Variants in ENPP1 observed in about 807,000 individuals in gnomAD.
ENPP1 encodes ectonucleotide pyrophosphatase/phosphodiesterase family member 1.
ENPP1 carries 73 observed loss-of-function variants against 122.8 expected under a neutral mutation model. That is an observed-to-expected ratio of 0.59 (90% CI 0.49 to 0.72). The LOEUF (loss-of-function observed/expected upper bound fraction) is 0.72, where lower values mean the gene tolerates loss of function less well. Ranked by LOEUF, ENPP1 falls within the 30% of genes least tolerant of loss-of-function variation. The pLI is 0.00. For synonymous variants in ENPP1, 367 were observed against 391.6 expected (o/e 0.94, Z 0.74); for missense variants, 978 against 1,128.1 (o/e 0.87, Z 1.91).
At chr6:131,835,348 T>C (rs944921703) in intron 1 of ENPP1, among the ~76,000 whole-genome samples, 25 of 152,188 alleles carry the variant, frequency 1.6e-4, no homozygotes, top group African/African-American at 5.8e-4. Flanking sequence ...TTGAGTCTGT[T>C]CTTCAAATGC....
Position 131,894,148 on chromosome 6 carries a change from GT to G in ENPP1, c.*3640del, listed in dbSNP as rs1386764304. 2.0e-5 allele frequency: 3 copies of G among 151,606 alleles called. No homozygotes were observed. Among genetic ancestry groups the G allele is most frequent in the Admixed American group, 2.0e-4 (3 of 15,188 alleles). 9.4% of individuals were successfully genotyped at this position (151,606 alleles called of 1,614,324 possible). ...TTTTGTATTTTTAGTAGAGAATGGAGTTTCACCGTGTTAGCCAGGATGGTCT... is the reference window on the plus strand; with the variant it reads ...TTTTGTATTTTTAGTAGAGAATGGAGTTCACCGTGTTAGCCAGGATGGTCT... On this transcript the variant is annotated 3_prime_UTR_variant, in exon 25 of 25. Coordinates refer to ENST00000647893, the MANE Select transcript of ENPP1 (RefSeq NM_006208.3).
chr6:131,864,363 T>C (rs1585826464), intron 9 of ENPP1, 143 bp from the exon 10 acceptor site: 1 of 646,002 alleles, frequency 1.5e-6, no homozygotes, highest in East Asian at 2.8e-5. Context: ...AAATAAAGTT[T>C]TCAAATAAAA....
At chr6:131,854,610 A>G (rs1402093471) in intron 5 of ENPP1, among the ~76,000 whole-genome samples, 2 of 152,064 alleles carry the variant, frequency 1.3e-5, no homozygotes, top group Non-Finnish European at 2.9e-5. Flanking sequence ...TTTAGTAGCA[A>G]TTGGTGTAGC....
At chr6:131,881,350 C>T (rs141474246) in intron 20 of ENPP1, among the ~76,000 whole-genome samples, 1,644 of 152,224 alleles carry the variant, frequency 0.011, 25 homozygotes, top group African/African-American at 0.038. Context: ...GATCAGTCTA[C>T]ACCATTTTTC....
intron 5 of ENPP1, among the ~76,000 whole-genome samples, chr6:131,853,962 T>C (rs957207320): frequency 4.6e-5 from 7 of 152,194 alleles, no homozygotes; most frequent in African/African-American, 1.7e-4. Flanking sequence ...ACGTTAACTG[T>C]TTGTATATGT....
chr6:131,860,854 A>G (rs1295957749), intron 8 of ENPP1, among the ~76,000 whole-genome samples: 1 of 152,112 alleles, frequency 6.6e-6, no homozygotes, highest in Non-Finnish European at 1.5e-5. Flanking sequence ...TGCCTGTGCT[A>G]ATTTAGGAGC....
chr6:131,882,513 T>C, intron 21 of ENPP1, 39 bp downstream of exon 21: 5 of 1,520,760 alleles, frequency 3.3e-6, no homozygotes, highest in Non-Finnish European at 4.5e-6. Flanking sequence ...TTTTCTCCTT[T>C]TTGTTTTCTT....
rs927494759 is a variant in ENPP1 at position 131,847,862 on chromosome 6, T to G, written c.313+14T>G. 1 of 1,146,678 alleles carries G rather than the reference T, an allele frequency of 8.7e-7. No homozygotes were observed. The highest frequency in any genetic ancestry group is 3.0e-4 in the Middle Eastern group (1 of 3,358). 71.0% of individuals were successfully genotyped at this position (1,146,678 alleles called of 1,614,324 possible). A position where few individuals can be genotyped will look rare whatever the true frequency, so the allele number is the denominator to read the frequency against. The stretch of plus-strand genomic sequence containing the variant: ...GTGCCAAAGAAGGTAATTAGGTGTG[T>G]GTGTGTGTGTGTGTGTGTGTGTGTG... On this transcript the variant is annotated intron_variant, in intron 2 of 24. Coordinates refer to ENST00000647893, the MANE Select transcript of ENPP1 (RefSeq NM_006208.3).
At chr6:131,827,750 A>C in intron 1 of ENPP1, 1 of 711,920 alleles carries the variant, frequency 1.4e-6, no homozygotes, top group African/African-American at 1.7e-5. Flanking sequence ...AGGCCACTGG[A>C]AGTTGGGCTT....
intron 24 of ENPP1, 150 bp from the exon 25 acceptor site, chr6:131,890,189 CAA>C (rs1782448581): frequency 2.9e-6 from 2 of 692,200 alleles, no homozygotes; most frequent in Non-Finnish European, 5.2e-6. Context: ...GAAAGCTACT[CAA>C]GAGGAGAGAT....
At chr6:131,865,614 AT>A (rs983321611) in intron 11 of ENPP1, among the ~76,000 whole-genome samples, 3 of 152,178 alleles carry the variant, frequency 2.0e-5, no homozygotes, top group African/African-American at 7.2e-5. Flanking sequence ...TGGCCATATC[AT>A]TTTTGTTACC....
chr6:131,883,719 A>G lies in ENPP1; in HGVS notation c.2256A>G (p.Ile752Met), dbSNP rs777941985. The change falls in exon 22 of 25, where the codon ATA (isoleucine) becomes ATG (methionine). Residue 752 changes from isoleucine to methionine, a missense_variant. This residue lies in a region of ENPP1 where 644 missense variants were observed against 781.5 expected (regional missense o/e 0.82). Transcript: ENST00000647893. ...PPQLNKNSSG[I>M]YSEALLTTNI... ...AACTAAATAAAAATTCAAGTGGAAT[A>G]TATTCTGAAGCTTTGCTTACTACAA... The G allele has an allele frequency of 7.3e-6, 11 of 1,513,620 alleles. No homozygotes were observed. The highest frequency in any genetic ancestry group is 9.2e-6 in the Non-Finnish European group (10 of 1,089,356). 93.8% of individuals were successfully genotyped at this position (1,513,620 alleles called of 1,614,324 possible). A position where few individuals can be genotyped will look rare whatever the true frequency, so the allele number is the denominator to read the frequency against.
Position 131,884,940 on chromosome 6 carries a change from G to T in ENPP1, c.2321G>T (p.Arg774Leu). The part of the protein sequence containing the change: ...PMYQSFQVIW[R>L]YFHDTLLRKY... Reference sequence around the variant, plus strand: ...TTCTATCTTGTTTCAGTTATATGGCGCTACTTTCATGACACCCTACTGCGA... The same window carrying T: ...TTCTATCTTGTTTCAGTTATATGGCTCTACTTTCATGACACCCTACTGCGA... Residue 774 changes from arginine to leucine, a missense_variant, in exon 23 of 25, where the codon CGC (arginine) becomes CTC (leucine). Coordinates refer to ENST00000647893, the MANE Select transcript of ENPP1 (RefSeq NM_006208.3). 2 of 1,613,956 alleles carry T rather than the reference G, an allele frequency of 1.2e-6. No homozygotes were observed. The highest frequency in any genetic ancestry group is 1.7e-6 in the Non-Finnish European group (2 of 1,179,926).
At chr6:131,876,895 A>G (rs934214088) in intron 17 of ENPP1, 97 bp from the exon 18 acceptor site, 40 of 1,053,276 alleles carry the variant, frequency 3.8e-5, no homozygotes, top group Non-Finnish European at 5.6e-5. Flanking sequence ...TAAATGACTC[A>G]TGTATTTGGT....
At chr6:131,827,307 A>G (rs367992655) in intron 1 of ENPP1, 20 of 1,346,570 alleles carry the variant, frequency 1.5e-5, no homozygotes, top group East Asian at 6.9e-5. Flanking sequence ...CTGATTAGCC[A>G]GATGAAGGAT....
chr6:131,825,794 A>G (rs1351067609), intron 1 of ENPP1, among the ~76,000 whole-genome samples: 2 of 152,206 alleles, frequency 1.3e-5, no homozygotes, highest in Admixed American at 6.5e-5. Context: ...AAATATATAC[A>G]TGAAGAGGTG....
intron 1 of ENPP1, among the ~76,000 whole-genome samples, chr6:131,814,008 C>T (rs1354350175): frequency 6.6e-6 from 1 of 152,096 alleles, no homozygotes; most frequent in Non-Finnish European, 1.5e-5. Context: ...GAGCCTTAGG[C>T]CAGGGAAGGT....
chr6:131,852,335 T>C, intron 5 of ENPP1, 100 bp downstream of exon 5: 2 of 761,634 alleles, frequency 2.6e-6, no homozygotes, highest in East Asian at 2.7e-5. Flanking sequence ...AAATCACTGG[T>C]TTATTAAACA....
intron 1 of ENPP1, chr6:131,828,210 C>T (rs745822381): frequency 6.0e-5 from 34 of 566,988 alleles, no homozygotes; most frequent in Non-Finnish European, 1.1e-4. Flanking sequence ...CAGGATGTTC[C>T]AAGGCATGGT....
Sources: gnomAD v4.1 joint callset for allele counts (sites outside exome capture counted in the v4.1 genomes callset) on GRCh38, gnomAD v4.1.1 for gene constraint, gnomAD v4.1.1 regional missense constraint, MANE v1.5 for transcripts, NCBI Gene and HGNC (gene_info 2026-07-23, HGNC 2026-07-21) for gene names.